Variants in CAND2 observed in about 807,000 individuals in gnomAD.
The protein encoded by CAND2 is cullin associated and neddylation dissociated 2 (putative).
CAND2 carries 62 observed loss-of-function variants against 98.9 expected under a neutral mutation model. The ratio of observed to expected loss-of-function variants is 0.63; its 90% CI spans 0.51 to 0.77. The LOEUF (loss-of-function observed/expected upper bound fraction) is 0.77. Ranked by LOEUF, CAND2 falls within the 30% of genes least tolerant of loss-of-function variation. CAND2 has a pLI of 0.00. For synonymous variants in CAND2, 770 were observed against 731.9 expected (o/e 1.05, Z -0.84); for missense variants, 1,501 against 1,655.2 (o/e 0.91, Z 1.62).
chr3:12,816,430 C>T lies in CAND2; in HGVS notation c.1498C>T (p.Leu500=). The change falls in exon 10 of 15, where the codon CTG becomes TTG. Residue 500 remains leucine, a synonymous_variant. Coordinates refer to ENST00000456430, the MANE Select transcript of CAND2 (RefSeq NM_001162499.2). ...SSSSTIRMDA[L]AFLQGLLGTE... is the part of the protein sequence containing the mutation. ...CTCCTCCACCATCCGGATGGATGCC[C>T]TGGCCTTCTTGCAGGGGCTGCTGGG... 1 of 1,613,922 alleles carries T rather than the reference C, an allele frequency of 6.2e-7. No homozygotes were observed. Among genetic ancestry groups the T allele is most frequent in the Non-Finnish European group, 8.5e-7 (1 of 1,179,998 alleles).
Position 12,817,626 on chromosome 3 carries a change from C to T in CAND2, c.2694C>T (p.Pro898=), listed in dbSNP as rs909028449. 2.5e-6 allele frequency: 4 copies of T among 1,613,534 alleles called. No individual in the cohort carries two copies. The highest frequency in any genetic ancestry group is 3.3e-5 in the Admixed American group (2 of 60,006). Residue 898 remains proline, a synonymous_variant, in exon 10 of 15, where the codon CCC becomes CCT. Coordinates refer to ENST00000456430, the MANE Select transcript of CAND2 (RefSeq NM_001162499.2). ...VGAGSLPDFL[P]FLLEQIEAEP... The stretch of plus-strand genomic sequence containing the variant: ...CTGGCAGCCTGCCCGACTTCCTGCC[C>T]TTCCTGCTGGAGCAGATCGAGGCTG...
rs550477058 is a variant in CAND2 at position 12,834,426 on chromosome 3, G to C, written c.*444G>C. 1 of 161,244 alleles carries C rather than the reference G, an allele frequency of 6.2e-6. No individual in the cohort carries two copies. Among genetic ancestry groups the C allele is most frequent in the Non-Finnish European group, 1.4e-5 (1 of 73,598 alleles). The allele number at this position is 161,244 out of a possible 1,614,324, so 10.0% of individuals were successfully genotyped here. A position where few individuals can be genotyped will look rare whatever the true frequency, so the allele number is the denominator to read the frequency against. ...AATGCCTGAAGTTAGTGCTCAGGCC[G>C]GGCATCTCAAAAGAAAAGATACTTG... On this transcript the variant is annotated 3_prime_UTR_variant, in exon 15 of 15. Coordinates refer to ENST00000456430, the MANE Select transcript of CAND2 (RefSeq NM_001162499.2).
In CAND2 at chr3:12,825,515, G is replaced by A. The variant is rs1247110811; in HGVS notation, c.3086G>A (p.Arg1029His). 5.7e-6 allele frequency: 9 copies of A among 1,588,706 alleles called. No individual in the cohort carries two copies. The highest frequency in any genetic ancestry group is 2.3e-5 in the East Asian group (1 of 44,070). The change falls in exon 12 of 15, where the codon CGT becomes CAT. Residue 1029 changes from arginine to histidine, a missense_variant. Arg to His is a conservative substitution (Grantham distance 29). Transcript: ENST00000456430. ...SLQDPDLNVR[R>H]ATLAFFNSAV... Reference sequence around the variant, plus strand: ...CAGGACCCAGACCTGAACGTGCGCCGTGCGACTCTGGCTTTCTTCAACTCA... The same window carrying A: ...CAGGACCCAGACCTGAACGTGCGCCATGCGACTCTGGCTTTCTTCAACTCA...
At chr3:12,816,165 G>C (rs1276691240) in intron 9 of CAND2, among the ~76,000 whole-genome samples, 157 bp downstream of exon 9, 1 of 152,166 alleles carries the variant, frequency 6.6e-6, no homozygotes, top group African/African-American at 2.4e-5. Context: ...ACTACCAGCA[G>C]TGAGAACAAG....
At position 12,833,655 on chromosome 3, in the gene CAND2, G is replaced by A. The variant is rs569813716; in HGVS notation, c.3484-100G>A. On this transcript the variant is annotated intron_variant, in intron 14 of 14. Coordinates refer to ENST00000456430, the MANE Select transcript of CAND2 (RefSeq NM_001162499.2). The stretch of plus-strand genomic sequence containing the variant: ...CCTCGCAGCAGGGATTTATGTTGGG[G>A]AAGATGATGGGGCAGAGAGGAAGCC... 3.0e-5 allele frequency: 27 copies of A among 909,450 alleles called. 1 individual carries two copies. The Admixed American group carries it at 3.7e-4, about 12-fold the overall frequency. 56.3% of individuals were successfully genotyped at this position (909,450 alleles called of 1,614,324 possible). A position where few individuals can be genotyped will look rare whatever the true frequency, so the allele number is the denominator to read the frequency against.
Position 12,833,943 on chromosome 3 carries a change from C to A in CAND2, c.3672C>A (p.Ser1224=), listed in dbSNP as rs751079503. 45 of 1,614,092 alleles carry A rather than the reference C, an allele frequency of 2.8e-5. No individual in the cohort carries two copies. The South Asian group carries it at 4.6e-4, about 17-fold the overall frequency. ...AALFESIQKD[S]ASAPSTDSME... is the part of the protein sequence containing the mutation. The stretch of plus-strand genomic sequence containing the variant: ...TCTTTGAAAGCATCCAGAAGGATTC[C>A]GCTTCAGCCCCCAGCACAGACTCAA... Residue 1224 remains serine (S), a synonymous_variant, in exon 15 of 15, where the codon TCC becomes TCA. Transcript: ENST00000456430.
intron 11 of CAND2, 66 bp downstream of exon 11, chr3:12,820,247 G>A: frequency 8.0e-7 from 1 of 1,242,990 alleles, no homozygotes; most frequent in Non-Finnish European, 1.2e-6. Context: ...AGCTTGGGCT[G>A]ATGTTTACTA....
intron 5 of CAND2, among the ~76,000 whole-genome samples, chr3:12,811,119 G>C (rs749062058): frequency 4.0e-5 from 6 of 148,638 alleles, no homozygotes; most frequent in Non-Finnish European, 8.8e-5. Flanking sequence ...GCACACGGCG[G>C]GGGGTGGGGG....
At chr3:12,799,805 A>G (rs1197666093) in intron 1 of CAND2, among the ~76,000 whole-genome samples, 4 of 152,160 alleles carry the variant, frequency 2.6e-5, no homozygotes, top group South Asian at 2.1e-4. Context: ...CTCTGAAAGG[A>G]TCTTGTCCAG....
At position 12,833,796 on chromosome 3, in the gene CAND2, T is replaced by C; in HGVS notation, c.3525T>C (p.Asp1175=). 6.2e-7 allele frequency: 1 copy of C among 1,614,156 alleles called. No individual in the cohort carries two copies. The highest frequency in any genetic ancestry group is 8.5e-7 in the Non-Finnish European group (1 of 1,180,000). Residue 1175 remains aspartate (D), a synonymous_variant, in exon 15 of 15, where the codon GAT becomes GAC. Coordinates refer to ENST00000456430, the MANE Select transcript of CAND2 (RefSeq NM_001162499.2). The stretch of plus-strand genomic sequence containing the variant: ...TGAAGCAGGAGTTTGAAAAGCAAGA[T>C]GAACTGAAGCGCTCTGCAATGAGGG... ...GSVKQEFEKQ[D]ELKRSAMRAV... is the part of the protein sequence containing the mutation.
At chr3:12,825,346 C>A (rs1395955269) in intron 11 of CAND2, 124 bp from the exon 12 acceptor site, 6 of 897,608 alleles carry the variant, frequency 6.7e-6, no homozygotes, top group Middle Eastern at 3.5e-4. Flanking sequence ...ATGCTCACCA[C>A]ACCCAGCTTA....
At position 12,813,003 on chromosome 3, in the gene CAND2, C is replaced by A; in HGVS notation, c.771C>A (p.Asp257Glu). The A allele has an allele frequency of 6.4e-7, 1 of 1,573,334 alleles. No individual in the cohort carries two copies. Among genetic ancestry groups the A allele is most frequent in the African/African-American group, 1.3e-5 (1 of 74,684 alleles). ...CTGGCCCTGCAGGGGCTCACCTGGA[C>A]CGCCTGGTGCCCCTGGTGGAGGATT... ...QAGHRLGAHLDRLVPLVEDFC... is the reference protein window; with the variant it reads ...QAGHRLGAHLERLVPLVEDFC... The change falls in exon 6 of 15, where the codon GAC (aspartate) becomes GAA (glutamate). Residue 257 changes from aspartate (D) to glutamate (E), a missense_variant. Around this residue, in one of 3 missense-constraint regions of CAND2, gnomAD observed 1,427 missense variants for 1,545.3 expected, o/e 0.92. Transcript: ENST00000456430.
rs368171986 is a variant in CAND2, at chr3:12,817,241, C to T, written c.2309C>T (p.Pro770Leu). The part of the protein sequence containing the change: ...FLQALVGTRP[P>L]CVDYAKLISL... Reference sequence around the variant, plus strand: ...CAGGCCCTGGTAGGGACCCGTCCCCCGTGTGTGGACTATGCCAAACTCATC... The same window carrying T: ...CAGGCCCTGGTAGGGACCCGTCCCCTGTGTGTGGACTATGCCAAACTCATC... Residue 770 changes from proline to leucine, a missense_variant, in exon 10 of 15, where the codon CCG becomes CTG. Around this residue, in one of 3 missense-constraint regions of CAND2, gnomAD observed 1,427 missense variants for 1,545.3 expected, o/e 0.92. Coordinates refer to ENST00000456430, the MANE Select transcript of CAND2 (RefSeq NM_001162499.2). 1.1e-5 allele frequency: 18 copies of T among 1,613,798 alleles called. 1 individual carries two copies. The highest frequency in any genetic ancestry group is 8.0e-5 in the African/African-American group (6 of 74,956).
intron 1 of CAND2, among the ~76,000 whole-genome samples, chr3:12,802,987 TC>T (rs2061777083): frequency 8.0e-6 from 1 of 124,332 alleles, no homozygotes; most frequent in East Asian, 2.0e-4. Context: ...TCCATTAAAA[TC>T]TTTTTTTTTT....
chr3:12,810,432 A>G, intron 5 of CAND2, 108 bp downstream of exon 5: 10 of 1,078,462 alleles, frequency 9.3e-6, no homozygotes, highest in Non-Finnish European at 1.2e-5. Flanking sequence ...GCCAGGGCCT[A>G]AGGGTGGGCC....
rs764944588 is a variant in CAND2 at position 12,817,145 on chromosome 3, C to T, written c.2213C>T (p.Ser738Leu). 3.1e-6 allele frequency: 5 copies of T among 1,613,112 alleles called. No homozygotes were observed. The highest frequency in any genetic ancestry group is 2.2e-5 in the South Asian group (2 of 91,068). ...GTGGAGGTCAGTGGCCCTGTGCTCT[C>T]AGAGCTGCTGCGGCTGCTGCGTTCG... ...SLVEVSGPVL[S>L]ELLRLLRSPL... Residue 738 changes from serine to leucine, a missense_variant, in exon 10 of 15, where the codon TCA (serine) becomes TTA (leucine). Physicochemically the swap from Ser to Leu is moderately radical, Grantham distance 145. Around this residue, in one of 3 missense-constraint regions of CAND2, gnomAD observed 1,427 missense variants for 1,545.3 expected, o/e 0.92. Coordinates refer to ENST00000456430, the MANE Select transcript of CAND2 (RefSeq NM_001162499.2).
intron 11 of CAND2, among the ~76,000 whole-genome samples, chr3:12,823,978 T>C (rs1238190769): frequency 3.3e-5 from 5 of 152,216 alleles, no homozygotes; most frequent in Non-Finnish European, 7.3e-5. Flanking sequence ...TATTTCTTTA[T>C]TAAGTATATA....
chr3:12,812,686 G>A (rs866378835), intron 5 of CAND2, among the ~76,000 whole-genome samples: 8 of 152,178 alleles, frequency 5.3e-5, no homozygotes, highest in East Asian at 1.9e-4. Context: ...TTACAGGCGC[G>A]CCTGGCCTAA....
At chr3:12,812,722 T>C (rs1389066634) in intron 5 of CAND2, among the ~76,000 whole-genome samples, 2 of 152,216 alleles carry the variant, frequency 1.3e-5, no homozygotes, top group Non-Finnish European at 2.9e-5. Flanking sequence ...ATAATTTATC[T>C]TCACAAAATC....
Sources: allele counts gnomAD v4.1 joint callset (sites outside exome capture counted in the v4.1 genomes callset), GRCh38; gene constraint gnomAD v4.1.1; regional missense constraint gnomAD v4.1.1; transcripts MANE v1.5; gene names NCBI Gene and HGNC (gene_info 2026-07-23, HGNC 2026-07-21).